The following SESTD1 variants were observed in gnomAD, a reference collection of about 807,000 sequenced individuals.
SESTD1 encodes SEC14 domain and spectrin repeat-containing protein 1.
A neutral mutation model predicts 101.7 loss-of-function variants in SESTD1; 43 were observed. The ratio of observed to expected loss-of-function variants is 0.42; its 90% CI spans 0.33 to 0.55. The LOEUF is 0.55. Ranked by LOEUF, SESTD1 falls within the 20% of genes least tolerant of loss-of-function variation. The pLI, the probability that SESTD1 is intolerant of heterozygous loss-of-function variation, is 0.07. For missense variants in SESTD1, 647 were observed against 815.1 expected, an observed-to-expected ratio of 0.79 and a Z score of 2.51; for synonymous variants, 283 against 286.8, an observed-to-expected ratio of 0.99 and a Z score of 0.13.
intron 8 of SESTD1, among the ~76,000 whole-genome samples, chr2:179,144,548 TTAAA>T (rs1260791140): frequency 6.8e-4 from 103 of 151,212 alleles, no homozygotes; most frequent in African/African-American, 2.1e-3. Context: ...GCTGTAGATA[TTAAA>T]TAATTTTAAA....
At chr2:179,224,121 T>C (rs992403285) in intron 1 of SESTD1, among the ~76,000 whole-genome samples, 3 of 152,164 alleles carry the variant, frequency 2.0e-5, no homozygotes, top group Admixed American at 6.6e-5. Context: ...CTTTGAAACA[T>C]GGCCTAATCT....
chr2:179,157,734 A>C (rs918893331), intron 5 of SESTD1, among the ~76,000 whole-genome samples: 2 of 152,172 alleles, frequency 1.3e-5, no homozygotes, highest in Non-Finnish European at 2.9e-5. Flanking sequence ...CTTAACAATC[A>C]TTATTTAGTG....
At chr2:179,144,385 A>G (rs1223806761) in intron 8 of SESTD1, among the ~76,000 whole-genome samples, 1 of 152,076 alleles carries the variant, frequency 6.6e-6, no homozygotes, top group African/African-American at 2.4e-5. Flanking sequence ...TATAATCTCT[A>G]TTTATAAGAA....
chr2:179,226,145 AT>A (rs1559151440), intron 1 of SESTD1, among the ~76,000 whole-genome samples: 1 of 152,198 alleles, frequency 6.6e-6, no homozygotes. Flanking sequence ...ACAGTTTTTC[AT>A]TTTAGCAATA....
chr2:179,257,393 A>C (rs2047413618), intron 1 of SESTD1, among the ~76,000 whole-genome samples: 1 of 152,256 alleles, frequency 6.6e-6, no homozygotes, highest in Non-Finnish European at 1.5e-5. Context: ...AAGTATTTTT[A>C]AATGAAGATA....
chr2:179,151,586 T>C (rs1280901016), intron 5 of SESTD1, among the ~76,000 whole-genome samples, 195 bp from the exon 6 acceptor site: 2 of 152,166 alleles, frequency 1.3e-5, no homozygotes, highest in Non-Finnish European at 2.9e-5. Context: ...TCAAAAATTT[T>C]TTCTAATACC....
intron 1 of SESTD1, among the ~76,000 whole-genome samples, chr2:179,197,909 C>T (rs1272439008): frequency 1.3e-5 from 2 of 151,522 alleles, no homozygotes; most frequent in African/African-American, 4.9e-5. Context: ...AACTAACGAG[C>T]AAAATAACCA....
intron 5 of SESTD1, among the ~76,000 whole-genome samples, chr2:179,166,766 C>A (rs569128568): frequency 5.9e-5 from 9 of 152,284 alleles, no homozygotes; most frequent in African/African-American, 2.2e-4. Context: ...AATTCTCTGG[C>A]AAACCAGCCC....
chr2:179,232,410 T>C (rs570063355), intron 1 of SESTD1, among the ~76,000 whole-genome samples: 11 of 152,120 alleles, frequency 7.2e-5, no homozygotes, highest in Middle Eastern at 6.8e-3. Context: ...TGGAGAATTT[T>C]AAAAATCACA....
intron 9 of SESTD1, among the ~76,000 whole-genome samples, chr2:179,138,187 C>T (rs914695885): frequency 2.0e-5 from 3 of 152,114 alleles, no homozygotes; most frequent in African/African-American, 4.8e-5. Flanking sequence ...ATATAATAAT[C>T]GTCATCTCCT....
At position 179,208,837 on chromosome 2, in the gene SESTD1, C is replaced by G. The variant is rs77651625; in HGVS notation, c.-25-16971G>C. Among the ~76,000 whole-genome samples, 6 of 134,506 alleles carry G rather than the reference C, an allele frequency of 4.5e-5. 2 individuals carry two copies. The highest frequency in any genetic ancestry group is 6.4e-5 in the Non-Finnish European group (4 of 62,552). 88.2% of individuals were successfully genotyped at this position (134,506 alleles called of 152,430 possible). On this transcript the variant is annotated intron_variant, in intron 1 of 17. Transcript: ENST00000428443. Reference sequence around the variant, plus strand: ...AAAACAAACCAAGGTATTTGGTCAACAAATAGCTTGATGAATAGAATAGTA... The same window carrying G: ...AAAACAAACCAAGGTATTTGGTCAAGAAATAGCTTGATGAATAGAATAGTA...
At chr2:179,264,249 G>T (rs1481513400) in intron 1 of SESTD1, 1 of 152,060 alleles carries the variant, frequency 6.6e-6, no homozygotes, top group Non-Finnish European at 1.5e-5. Flanking sequence ...CGGCCCGCAG[G>T]GCTCCCACCT....
At chr2:179,185,587 T>C (rs904632598) in intron 2 of SESTD1, among the ~76,000 whole-genome samples, 4 of 130,648 alleles carry the variant, frequency 3.1e-5, no homozygotes, top group Non-Finnish European at 6.1e-5. Context: ...CTATATTATA[T>C]ATTGTATATT....
chr2:179,230,468 G>T (rs1168338837), intron 1 of SESTD1, among the ~76,000 whole-genome samples: 1 of 151,790 alleles, frequency 6.6e-6, no homozygotes, highest in Non-Finnish European at 1.5e-5. Context: ...GCACTTAGGA[G>T]TATGAAAACC....
At chr2:179,247,545 C>A (rs1411740781) in intron 1 of SESTD1, among the ~76,000 whole-genome samples, 1 of 152,144 alleles carries the variant, frequency 6.6e-6, no homozygotes. Flanking sequence ...CCCACATCAG[C>A]TCCTAAGTAG....
Position 179,104,210 on chromosome 2 carries a change from G to GTTT in SESTD1, c.*5688_*5689insAAA, listed in dbSNP as rs1340231946. ...CTCTTAAAGGCTTCTGAGACTATTC[G>GTTT]TAAGTGTGATGTGAGCAATCAGTTC... is the stretch of plus-strand genomic sequence containing the variant. On this transcript the variant is annotated 3_prime_UTR_variant, in exon 18 of 18. Transcript: ENST00000428443. 1 of 152,014 alleles carries GTTT rather than the reference G, an allele frequency of 6.6e-6. No homozygotes were observed. Among genetic ancestry groups the GTTT allele is most frequent in the Admixed American group, 6.6e-5 (1 of 15,242 alleles). 9.4% of individuals were successfully genotyped at this position (152,014 alleles called of 1,614,324 possible). A position where few individuals can be genotyped will look rare whatever the true frequency, so the allele number is the denominator to read the frequency against.
intron 8 of SESTD1, 34 bp from the exon 9 acceptor site, chr2:179,143,837 TG>T: frequency 6.3e-7 from 1 of 1,594,620 alleles, no homozygotes; most frequent in South Asian, 1.1e-5. Context: ...AATTAATATC[TG>T]TAAAGAAATG....
intron 1 of SESTD1, among the ~76,000 whole-genome samples, chr2:179,215,542 G>A (rs1483265390): frequency 7.5e-6 from 1 of 134,030 alleles, no homozygotes; most frequent in Admixed American, 7.3e-5. Context: ...ACGATTCACA[G>A]CCGAATTCTA....
chr2:179,199,201 C>G (rs2046458259), intron 1 of SESTD1, among the ~76,000 whole-genome samples: 1 of 151,986 alleles, frequency 6.6e-6, no homozygotes, highest in East Asian at 1.9e-4. Flanking sequence ...ACTAGAAAAT[C>G]TAGAAGAAAT....
Sources: allele counts gnomAD v4.1 joint callset (sites outside exome capture counted in the v4.1 genomes callset), GRCh38; gene constraint gnomAD v4.1.1; transcripts MANE v1.5; gene names NCBI Gene and HGNC (gene_info 2026-07-23, HGNC 2026-07-21).